The following WDPCP variants were observed in gnomAD, a reference collection of about 807,000 sequenced individuals.
The protein encoded by WDPCP is WD repeat containing planar cell polarity effector, also known as WD repeat-containing and planar cell polarity effector protein fritz homolog.
In WDPCP, 71 loss-of-function variants were observed where a neutral mutation model predicts 93.1. The observed-to-expected ratio is 0.76, with a 90% confidence interval of 0.63 to 0.93. The LOEUF (loss-of-function observed/expected upper bound fraction) is 0.93. Ranked by LOEUF, WDPCP falls within the 40% of genes least tolerant of loss-of-function variation. WDPCP has a pLI of 0.00. For synonymous variants in WDPCP, 315 were observed against 315.0 expected (o/e 1.00, Z 0.00); for missense variants, 844 against 887.4 (o/e 0.95, Z 0.62).
At chr2:63,715,935 C>T (rs1046873858) in intron 2 of WDPCP, among the ~76,000 whole-genome samples, 2 of 152,260 alleles carry the variant, frequency 1.3e-5, no homozygotes, top group South Asian at 2.1e-4. Flanking sequence ...GGATGTCACA[C>T]GAGGTCGAGG....
At chr2:63,639,161 T>G (rs564079955) in intron 3 of WDPCP, among the ~76,000 whole-genome samples, 1 of 151,288 alleles carries the variant, frequency 6.6e-6, no homozygotes, top group African/African-American at 2.4e-5. Flanking sequence ...GGAGTGAACC[T>G]AGGAGGCGGA....
At chr2:63,398,623 A>G (rs949176840) in intron 10 of WDPCP, among the ~76,000 whole-genome samples, 11 of 152,190 alleles carry the variant, frequency 7.2e-5, no homozygotes, top group African/African-American at 2.2e-4. Flanking sequence ...CAAAAATCTT[A>G]GCATATTGGC....
intron 2 of WDPCP, among the ~76,000 whole-genome samples, chr2:63,757,501 G>A (rs1243543577): frequency 6.6e-6 from 1 of 152,162 alleles, no homozygotes; most frequent in African/African-American, 2.4e-5. Flanking sequence ...AGATGTCACA[G>A]ATTATGACCT....
At chr2:63,731,771 G>A (rs1036481220) in intron 2 of WDPCP, among the ~76,000 whole-genome samples, 1 of 152,184 alleles carries the variant, frequency 6.6e-6, no homozygotes, top group Admixed American at 6.5e-5. Context: ...GTCTTCAAAA[G>A]AGCTTGTAAT....
intron 10 of WDPCP, among the ~76,000 whole-genome samples, chr2:63,387,858 C>T (rs1692875349): frequency 6.6e-6 from 1 of 152,018 alleles, no homozygotes; most frequent in African/African-American, 2.4e-5. Flanking sequence ...AAATAAGCAA[C>T]ACAATCCCAT....
chr2:63,564,261 G>A (rs139933247), intron 1 of WDPCP: 98 of 152,310 alleles, frequency 6.4e-4, no homozygotes, highest in African/African-American at 2.3e-3. Context: ...AGTTCAGCCT[G>A]GTTAACTTGT....
At chr2:63,127,069 C>T (rs189631488) in intron 17 of WDPCP, among the ~76,000 whole-genome samples, 21 of 150,862 alleles carry the variant, frequency 1.4e-4, no homozygotes, top group Non-Finnish European at 2.5e-4. Context: ...CCAAATCTTT[C>T]AGAAAGTAAA....
intron 7 of WDPCP, chr2:63,438,021 TTC>T (rs1435467470): frequency 6.2e-6 from 8 of 1,282,372 alleles, no homozygotes; most frequent in Non-Finnish European, 8.0e-6. Context: ...TCAGTGAATC[TTC>T]TTTTAGGGGT....
intron 17 of WDPCP, among the ~76,000 whole-genome samples, chr2:63,143,937 A>G (rs1671277795): frequency 6.6e-6 from 1 of 152,180 alleles, no homozygotes; most frequent in African/African-American, 2.4e-5. Flanking sequence ...TCTTTTTGCA[A>G]TGAATTTTCC....
chr2:63,584,628 C>A (rs148269761), intron 1 of WDPCP, among the ~76,000 whole-genome samples: 8 of 152,114 alleles, frequency 5.3e-5, no homozygotes, highest in African/African-American at 1.4e-4. Flanking sequence ...TAGAGCTGTG[C>A]TCTTAGAAAC....
intron 3 of WDPCP, among the ~76,000 whole-genome samples, chr2:63,639,788 A>C (rs1709961093): frequency 6.6e-6 from 1 of 152,256 alleles, no homozygotes; most frequent in Non-Finnish European, 1.5e-5. Context: ...GCTTAAATAA[A>C]AAATAGTGAC....
At chr2:63,657,029 G>A (rs755554170) in intron 2 of WDPCP, among the ~76,000 whole-genome samples, 1 of 152,138 alleles carries the variant, frequency 6.6e-6, no homozygotes, top group Non-Finnish European at 1.5e-5. Context: ...AAAGCTGGAA[G>A]GCCTGGATGG....
chr2:63,582,115 C>G (rs1708536647), intron 1 of WDPCP, among the ~76,000 whole-genome samples: 1 of 151,562 alleles, frequency 6.6e-6, no homozygotes, highest in African/African-American at 2.4e-5. Flanking sequence ...CTAAAACCAA[C>G]CCAGGACTGG....
intron 3 of WDPCP, among the ~76,000 whole-genome samples, chr2:63,645,104 C>T (rs1368000160): frequency 6.6e-6 from 1 of 151,848 alleles, no homozygotes; most frequent in Non-Finnish European, 1.5e-5. Flanking sequence ...AGGTCGTCTA[C>T]CTGAAGCTTT....
rs527820883 is a variant in WDPCP, at chr2:63,632,341, A to C, written n.488+18318T>G. On this transcript the variant is annotated intron_variant and non_coding_transcript_variant, in intron 3 of 4. Transcript: ENST00000467687. Reference sequence around the variant, plus strand: ...AAAAGAGGAAACACAATACCACCAGAGGAACACAATAATTTTACAAGAACC... The same window carrying C: ...AAAAGAGGAAACACAATACCACCAGCGGAACACAATAATTTTACAAGAACC... 9.0e-4 allele frequency among the ~76,000 whole-genome samples: 137 copies of C among 152,380 alleles called. 1 individual carries two copies. Among genetic ancestry groups the C allele is most frequent in the African/African-American group, 3.1e-3 (128 of 41,598 alleles).
intron 3 of WDPCP, among the ~76,000 whole-genome samples, chr2:63,608,905 G>A (rs1709584415): frequency 6.6e-6 from 1 of 152,300 alleles, no homozygotes. Context: ...TTAATCGGAA[G>A]CATAAAAACA....
chr2:63,188,686 G>A (rs765726934), intron 14 of WDPCP, among the ~76,000 whole-genome samples: 2 of 151,868 alleles, frequency 1.3e-5, no homozygotes, highest in Non-Finnish European at 2.9e-5. Context: ...TTTTGTTCAT[G>A]CATTGTCTTC....
chr2:63,838,700 G>A, the WDPCP span, among the ~76,000 whole-genome samples: 4 of 152,154 alleles, frequency 2.6e-5, no homozygotes, highest in Admixed American at 2.6e-4. Context: ...TGAAAAAAAG[G>A]ATTAAAGATA....
At chr2:63,394,376 TA>T (rs145280348) in intron 10 of WDPCP, among the ~76,000 whole-genome samples, 80,894 of 148,540 alleles carry the variant, frequency 0.54, 22,160 homozygotes, top group Admixed American at 0.63. Context: ...ATTAATAAGC[TA>T]AAAAAAAAAA....
Sources: gnomAD v4.1 joint callset for allele counts (sites outside exome capture counted in the v4.1 genomes callset) on GRCh38, gnomAD v4.1.1 for gene constraint, MANE v1.5 for transcripts, NCBI Gene and HGNC (gene_info 2026-07-23, HGNC 2026-07-21) for gene names.